The following DSC1 variants were observed in gnomAD, a reference collection of about 807,000 sequenced individuals.
The protein encoded by DSC1 is desmocollin-1.
DSC1 carries 79 observed loss-of-function variants against 98.8 expected under a neutral mutation model. That is an observed-to-expected ratio of 0.80 (90% CI 0.67 to 0.96). The LOEUF is 0.96. DSC1 is among the 50% of genes least tolerant of loss of function. The pLI, the probability that DSC1 is intolerant of heterozygous loss-of-function variation, is 0.00. For synonymous variants in DSC1, 405 were observed against 372.1 expected (o/e 1.09, Z -1.02); for missense variants, 1,115 against 1,075.9 (o/e 1.04, Z -0.51).
chr18:31,136,440 C>T (rs73954545), intron 11 of DSC1, among the ~76,000 whole-genome samples: 2,199 of 152,252 alleles, frequency 0.014, 50 homozygotes, highest in African/African-American at 0.051. Context: ...TATTTAATCA[C>T]ATATTCAACC....
intron 8 of DSC1, among the ~76,000 whole-genome samples, chr18:31,142,946 A>C (rs1988766481): frequency 6.6e-6 from 1 of 151,954 alleles, no homozygotes; most frequent in Non-Finnish European, 1.5e-5. Flanking sequence ...TATTGTAGGG[A>C]TTCATGTAAG....
rs775742003 is a variant in DSC1, at chr18:31,134,087, G to C, written c.1920C>G (p.Asn640Lys). The C allele has an allele frequency of 1.2e-6, 2 of 1,608,918 alleles. No homozygotes were observed. The highest frequency in any genetic ancestry group is 3.3e-5 in the Admixed American group (2 of 59,900). ...TTATTTGAATAGGCACAGAATAATAGTTATAATCAAGATTTTGCCGTTGAC... is the reference window on the plus strand; with the variant it reads ...TTATTTGAATAGGCACAGAATAATACTTATAATCAAGATTTTGCCGTTGAC... ...ILRQRQNLDYNYYSVPIQIKD... is the reference protein window; with the variant it reads ...ILRQRQNLDYKYYSVPIQIKD... The change falls in exon 13 of 16, where the codon AAC (asparagine) becomes AAG (lysine). Residue 640 changes from asparagine (N) to lysine (K), a missense_variant. By Grantham distance (94) the Asn-to-Lys change is moderately conservative (BLOSUM62 0). Transcript: ENST00000257198.
intron 2 of DSC1, among the ~76,000 whole-genome samples, chr18:31,157,897 T>C (rs2143932624): frequency 6.6e-6 from 1 of 152,308 alleles, no homozygotes; most frequent in South Asian, 2.1e-4. Flanking sequence ...AAACTTGATT[T>C]TTTATGTCAT....
rs1452221690 is a variant in DSC1 at position 31,156,164 on chromosome 18, T to A, written c.352-2A>T. ...TTTGGTATGTCTCTTCTTAGGAGAC[T>A]ACATTTGACAAGAAACAAAGAAATG... On this transcript the variant is annotated splice_acceptor_variant, in intron 3 of 15. Transcript: ENST00000257198. LOFTEE classifies it high-confidence loss of function. The A allele has an allele frequency of 6.3e-7, 1 of 1,598,946 alleles. No homozygotes were observed. The highest frequency in any genetic ancestry group is 2.2e-5 in the East Asian group (1 of 44,800).
At chr18:31,141,974 T>C in intron 9 of DSC1, 25 bp downstream of exon 9, 1 of 1,585,116 alleles carries the variant, frequency 6.3e-7, no homozygotes, top group Non-Finnish European at 8.5e-7. Context: ...TTTTAAAGCA[T>C]AGCCTGATTA....
At chr18:31,133,514 T>C (rs537517308) in intron 13 of DSC1, among the ~76,000 whole-genome samples, 1 of 152,148 alleles carries the variant, frequency 6.6e-6, no homozygotes, top group Non-Finnish European at 1.5e-5. Context: ...AAATTCTTTT[T>C]GTATGTATGT....
chr18:31,141,934 T>C, intron 9 of DSC1, 65 bp downstream of exon 9: 1 of 1,465,014 alleles, frequency 6.8e-7, no homozygotes, highest in East Asian at 2.3e-5. Context: ...ATAAGAATTA[T>C]CTCTTAAAAT....
At chr18:31,131,430 C>T in intron 15 of DSC1, 164 bp downstream of exon 15, 2 of 964,584 alleles carry the variant, frequency 2.1e-6, no homozygotes, top group Non-Finnish European at 3.0e-6. Flanking sequence ...TTTCAAAGAT[C>T]ATTTTTATCT....
intron 5 of DSC1, among the ~76,000 whole-genome samples, chr18:31,150,247 TACC>T (rs1227424135): frequency 3.5e-5 from 2 of 56,608 alleles, no homozygotes; most frequent in Non-Finnish European, 7.3e-5. Flanking sequence ...TCACCACCAC[TACC>T]ACCACCACCA....
chr18:31,150,567 GTCA>G (rs1338657022), intron 5 of DSC1, among the ~76,000 whole-genome samples: 8 of 83,668 alleles, frequency 9.6e-5, no homozygotes, highest in African/African-American at 1.3e-4. Flanking sequence ...CACCACCACC[GTCA>G]TCATCATCGC....
chr18:31,159,049 T>TTTTTTTTTTTTTG (rs1568006239), intron 2 of DSC1, among the ~76,000 whole-genome samples: 16 of 85,710 alleles, frequency 1.9e-4, no homozygotes, highest in Non-Finnish European at 3.3e-4. Flanking sequence ...ACTATGTGGT[T>TTTTTTTTTTTTTG]TTTTTTTTTT....
In DSC1 at chr18:31,140,090, A is replaced by G. The variant is rs1988700034; in HGVS notation, c.1472T>C (p.Leu491Pro). 5 of 1,614,034 alleles carry G rather than the reference A, an allele frequency of 3.1e-6. No individual in the cohort carries two copies. Among genetic ancestry groups the G allele is most frequent in the Non-Finnish European group, 4.2e-6 (5 of 1,179,942 alleles). ...QDGFPAGQEL[L>P]GYKALDPEIS... Reference sequence around the variant, plus strand: ...TTCCGGGTCCAGTGCTTTGTATCCAAGGAGTTCTTGGCCAGCTGGGAAGCC... The same window carrying G: ...TTCCGGGTCCAGTGCTTTGTATCCAGGGAGTTCTTGGCCAGCTGGGAAGCC... The change falls in exon 10 of 16, where the codon CTT becomes CCT. Residue 491 changes from leucine (L) to proline (P), a missense_variant. Coordinates refer to ENST00000257198, the MANE Select transcript of DSC1 (RefSeq NM_024421.2).
intron 5 of DSC1, among the ~76,000 whole-genome samples, chr18:31,151,044 A>G (rs1028972369): frequency 6.6e-6 from 1 of 152,212 alleles, no homozygotes; most frequent in African/African-American, 2.4e-5. Flanking sequence ...AAATGGTATT[A>G]ACAAGTCTCC....
chr18:31,143,561 T>G (rs1284345205), intron 8 of DSC1, 96 bp downstream of exon 8: 2 of 948,278 alleles, frequency 2.1e-6, no homozygotes, highest in African/African-American at 3.4e-5. Context: ...TAAATCAAAC[T>G]GTCAAACTTT....
rs113721148 is a variant in DSC1 at position 31,153,639 on chromosome 18, G to A, written c.627+1135C>T. ...AGACTGCTTTGGAGGATATCCTTAC[G>A]ATAGAATCTACTCCTTAGGATAAAT... On this transcript the variant is annotated intron_variant, in intron 5 of 15. Coordinates refer to ENST00000257198, the MANE Select transcript of DSC1 (RefSeq NM_024421.2). 1.5e-3 allele frequency among the ~76,000 whole-genome samples: 224 copies of A among 152,148 alleles called. No homozygotes were observed. In the Middle Eastern group the frequency reaches 0.02, roughly 14 times the overall value.
rs1988704517 is a variant in DSC1 at position 31,140,217 on chromosome 18, G to A, written c.1345C>T (p.Gln449Ter). 6.2e-7 allele frequency: 1 copy of A among 1,613,910 alleles called. No homozygotes were observed. The highest frequency in any genetic ancestry group is 8.5e-7 in the Non-Finnish European group (1 of 1,179,936). The change falls in exon 10 of 16, where the codon CAA (glutamine) becomes TAA (stop). Residue 449 changes from glutamine (Q) to a stop codon, truncating the protein, a stop_gained. Transcript: ENST00000257198. LOFTEE classifies it high-confidence loss of function. ...EAQFSKAASS[Q>*]TPTMCTTTVT... ...GTTGTAGTGCACATTGTAGGAGTTT[G>A]TGAGCTCGCTGCTTTAGAGAATTGT...
At chr18:31,137,966 TGTG>T (rs1988647350) in intron 11 of DSC1, among the ~76,000 whole-genome samples, 2 of 17,126 alleles carry the variant, frequency 1.2e-4, no homozygotes, top group African/African-American at 3.2e-4. Context: ...CAGAGCAAAA[TGTG>T]TGTGTGTGTG....
chr18:31,148,862 C>T (rs1988903115), intron 5 of DSC1, among the ~76,000 whole-genome samples: 1 of 152,172 alleles, frequency 6.6e-6, no homozygotes. Flanking sequence ...TTCTCCCACT[C>T]TAAGCACCAT....
chr18:31,141,013 T>C (rs953027782), intron 9 of DSC1, among the ~76,000 whole-genome samples: 2 of 152,150 alleles, frequency 1.3e-5, no homozygotes, highest in African/African-American at 2.4e-5. Context: ...GCCTCATTCT[T>C]CTCTTGCTGC....
Sources: gnomAD v4.1 joint callset for allele counts (sites outside exome capture counted in the v4.1 genomes callset) on GRCh38, gnomAD v4.1.1 for gene constraint, MANE v1.5 for transcripts, NCBI Gene and HGNC (gene_info 2026-07-23, HGNC 2026-07-21) for gene names.